The following NTRK2 variants were observed in gnomAD, a reference collection of about 807,000 sequenced individuals.
The protein encoded by NTRK2 is BDNF/NT-3 growth factors receptor.
Under a neutral mutation model 94.5 loss-of-function variants are expected in NTRK2, and 13 were observed. That is an observed-to-expected ratio of 0.14 (90% CI 0.09 to 0.22). The LOEUF is 0.22. Among genes scored for constraint, NTRK2 ranks in the 10% least tolerant of loss-of-function variants. The pLI is 1.00. For synonymous variants in NTRK2, 372 were observed against 407.4 expected (o/e 0.91, Z 1.05); for missense variants, 639 against 1,071.2 (o/e 0.60, Z 5.63).
intron 12 of NTRK2, among the ~76,000 whole-genome samples, chr9:84,841,663 C>T (rs1405872159): frequency 6.6e-6 from 1 of 152,146 alleles, no homozygotes; most frequent in Non-Finnish European, 1.5e-5. Context: ...CAATTGCAGC[C>T]CTTATACCTG....
chr9:84,787,612 A>G (rs1056500933), intron 12 of NTRK2, among the ~76,000 whole-genome samples: 1 of 152,216 alleles, frequency 6.6e-6, no homozygotes, highest in African/African-American at 2.4e-5. Context: ...CTTCTCAAAT[A>G]TTAGAAGTCA....
intron 6 of NTRK2, among the ~76,000 whole-genome samples, chr9:84,715,983 G>A (rs2061687623): frequency 2.0e-5 from 3 of 152,090 alleles, no homozygotes; most frequent in Admixed American, 6.5e-5. Context: ...TACATGAAAT[G>A]CTCTGTCTTA....
intron 12 of NTRK2, among the ~76,000 whole-genome samples, chr9:84,774,776 C>A (rs1406595214): frequency 6.6e-6 from 1 of 152,120 alleles, no homozygotes. Context: ...CCACAGAAAT[C>A]TTTTCAAAAG....
At chr9:84,982,851 G>A (rs1239591056) in intron 17 of NTRK2, among the ~76,000 whole-genome samples, 1 of 152,106 alleles carries the variant, frequency 6.6e-6, no homozygotes, top group Non-Finnish European at 1.5e-5. Flanking sequence ...ATTCCACAAA[G>A]ACGAGTAGAC....
Position 84,903,756 on chromosome 9 carries a change from C to CTGG in NTRK2, c.1634-30405_1634-30404insGGT, listed in dbSNP as rs1204761628. Among the ~76,000 whole-genome samples the CTGG allele has an allele frequency of 4.0e-5, 6 of 151,818 alleles. No individual in the cohort carries two copies. The East Asian group carries it at 7.7e-4, about 20-fold the overall frequency. ...CTCCCTCCCTCCCTTCTCTCTCTCTCTCTCAGATTATAGAAAAGACATTCA... is the reference window on the plus strand; with the variant it reads ...CTCCCTCCCTCCCTTCTCTCTCTCTCTGGTCTCAGATTATAGAAAAGACATTCA... On this transcript the variant is annotated intron_variant, in intron 14 of 18. Coordinates refer to ENST00000277120, the MANE Select transcript of NTRK2 (RefSeq NM_006180.6).
At chr9:84,679,902 G>T (rs1435462670) in intron 2 of NTRK2, among the ~76,000 whole-genome samples, 4 of 152,112 alleles carry the variant, frequency 2.6e-5, no homozygotes, top group Non-Finnish European at 4.4e-5. Context: ...CCCACCAATA[G>T]AAACAAATTT....
chr9:84,810,994 A>C (rs1038702533), intron 12 of NTRK2: 2 of 1,117,814 alleles, frequency 1.8e-6, no homozygotes, highest in Non-Finnish European at 2.2e-6. Flanking sequence ...AAAAAAAATT[A>C]AAGTTGAGAA....
At position 84,812,215 on chromosome 9, in the gene NTRK2, T is replaced by A. The variant is rs189966553; in HGVS notation, c.1397-48825T>A. The A allele has an allele frequency of 2.4e-5, 25 of 1,056,538 alleles. No homozygotes were observed. The East Asian group carries it at 1.2e-3, about 49-fold the overall frequency. 65.4% of individuals were successfully genotyped at this position (1,056,538 alleles called of 1,614,324 possible). A position where few individuals can be genotyped will look rare whatever the true frequency, so the allele number is the denominator to read the frequency against. On this transcript the variant is annotated intron_variant, in intron 12 of 18. Coordinates refer to ENST00000277120, the MANE Select transcript of NTRK2 (RefSeq NM_006180.6). ...CAGGATCCATTTAGGTACCACTTGATATAAAAAGGATATCCATAATGAATA... is the reference window on the plus strand; with the variant it reads ...CAGGATCCATTTAGGTACCACTTGAAATAAAAAGGATATCCATAATGAATA...
In NTRK2 at chr9:84,932,311, C is replaced by T. The variant is rs550733390; in HGVS notation, c.1634-1851C>T. 2.6e-5 allele frequency among the ~76,000 whole-genome samples: 4 copies of T among 152,314 alleles called. No homozygotes were observed. The South Asian group carries it at 8.3e-4, about 32-fold the overall frequency. ...CACCGTTGAGAGAGAGATTCAAGAT[C>T]TGCAAGAATTCGTACTGTATAACTC... On this transcript the variant is annotated intron_variant, in intron 14 of 18. Coordinates refer to ENST00000277120, the MANE Select transcript of NTRK2 (RefSeq NM_006180.6).
At chr9:84,838,121 A>G (rs2073977923) in intron 12 of NTRK2, among the ~76,000 whole-genome samples, 1 of 152,244 alleles carries the variant, frequency 6.6e-6, no homozygotes, top group Non-Finnish European at 1.5e-5. Context: ...ACCATATACA[A>G]TATTTAGTGG....
At chr9:84,921,092 G>T (rs1238877352) in intron 14 of NTRK2, among the ~76,000 whole-genome samples, 1 of 152,150 alleles carries the variant, frequency 6.6e-6, no homozygotes, top group Non-Finnish European at 1.5e-5. Flanking sequence ...CCAGGAGAAG[G>T]GACTTCATGA....
At chr9:84,879,339 C>G (rs1387482639) in intron 14 of NTRK2, among the ~76,000 whole-genome samples, 1 of 152,072 alleles carries the variant, frequency 6.6e-6, no homozygotes, top group Non-Finnish European at 1.5e-5. Flanking sequence ...ACCTATATTG[C>G]TTTTGTCCCC....
chr9:84,966,277 C>T (rs542497935), intron 17 of NTRK2, among the ~76,000 whole-genome samples: 3 of 152,302 alleles, frequency 2.0e-5, no homozygotes, highest in Non-Finnish European at 4.4e-5. Context: ...CATCTGAATA[C>T]CCCAGAGTGT....
intron 12 of NTRK2, among the ~76,000 whole-genome samples, chr9:84,759,196 G>A (rs2065332097): frequency 2.0e-5 from 3 of 152,316 alleles, no homozygotes; most frequent in Non-Finnish European, 4.4e-5. Context: ...GTTGTTTGGC[G>A]ATGCTATAGA....
chr9:84,729,938 G>A (rs1054745688), intron 9 of NTRK2, among the ~76,000 whole-genome samples: 1 of 152,118 alleles, frequency 6.6e-6, no homozygotes, highest in Admixed American at 6.5e-5. Context: ...TATCCATGTG[G>A]CCTCATTTTC....
intron 10 of NTRK2, among the ~76,000 whole-genome samples, chr9:84,743,918 AT>A (rs1225658461): frequency 2.6e-5 from 4 of 152,176 alleles, no homozygotes; most frequent in Admixed American, 6.5e-5. Context: ...TAGAAAATAG[AT>A]TTTTTTCTGT....
intron 14 of NTRK2, chr9:84,872,999 T>C (rs1251357949): frequency 2.8e-6 from 3 of 1,063,792 alleles, no homozygotes; most frequent in Admixed American, 5.4e-5. Context: ...GCAACATTAC[T>C]TTGAGTACAC....
rs1038901234 is a variant in NTRK2 at position 85,020,220 on chromosome 9, A to G, written c.2187A>G (p.Thr729=). Residue 729 remains threonine, a synonymous_variant, in exon 18 of 19, where the codon ACA becomes ACG. Coordinates refer to ENST00000277120, the MANE Select transcript of NTRK2 (RefSeq NM_006180.6). Reference sequence around the variant, plus strand: ...TTTCTCCCCAGGTCGGTGGCCACACAATGCTGCCCATTCGCTGGATGCCTC... The same window carrying G: ...TTTCTCCCCAGGTCGGTGGCCACACGATGCTGCCCATTCGCTGGATGCCTC... ...STDYYRVGGH[T]MLPIRWMPPE... 19 of 1,614,000 alleles carry G rather than the reference A, an allele frequency of 1.2e-5. No individual in the cohort carries two copies. The highest frequency in any genetic ancestry group is 1.5e-5 in the Non-Finnish European group (18 of 1,180,008).
At chr9:84,773,790 A>G (rs2066780453) in intron 12 of NTRK2, among the ~76,000 whole-genome samples, 1 of 152,234 alleles carries the variant, frequency 6.6e-6, no homozygotes, top group Non-Finnish European at 1.5e-5. Flanking sequence ...CACTTCAAAA[A>G]GAACACTTAA....
Sources: gnomAD v4.1 joint callset for allele counts (sites outside exome capture counted in the v4.1 genomes callset) on GRCh38, gnomAD v4.1.1 for gene constraint, MANE v1.5 for transcripts, NCBI Gene and HGNC (gene_info 2026-07-23, HGNC 2026-07-21) for gene names.